Variants in HEMK2 observed in about 807,000 individuals in gnomAD.
HEMK2 encodes methyltransferase HEMK2.
At chr21:28,825,365 C>G in the HEMK2 span, among the ~76,000 whole-genome samples, 3 of 152,166 alleles carry the variant, frequency 2.0e-5, no homozygotes, top group Non-Finnish European at 4.4e-5. Flanking sequence ...CCTTGAGAAC[C>G]ACTGCTCTAG....
At chr21:28,641,039 T>G in the HEMK2 span, among the ~76,000 whole-genome samples, 9 of 152,238 alleles carry the variant, frequency 5.9e-5, no homozygotes, top group Non-Finnish European at 1.0e-4. Flanking sequence ...AAAAACTGAC[T>G]AGTGCCTCTT....
the HEMK2 span, among the ~76,000 whole-genome samples, chr21:28,692,624 G>A: frequency 2.6e-5 from 4 of 151,926 alleles, no homozygotes; most frequent in Non-Finnish European, 4.4e-5. Context: ...TGTAGTGATT[G>A]AATAGTTTTT....
At chr21:28,651,262 C>T in the HEMK2 span, among the ~76,000 whole-genome samples, 1 of 152,152 alleles carries the variant, frequency 6.6e-6, no homozygotes, top group African/African-American at 2.4e-5. Context: ...CCCCAGACTC[C>T]ATGCAAATTA....
At chr21:28,871,196 T>C in the HEMK2 span, among the ~76,000 whole-genome samples, 1 of 152,214 alleles carries the variant, frequency 6.6e-6, no homozygotes. Flanking sequence ...GTTCTCGCAT[T>C]GCTATAAAGA....
the HEMK2 span, among the ~76,000 whole-genome samples, chr21:28,624,787 A>T: frequency 6.6e-6 from 1 of 152,186 alleles, no homozygotes; most frequent in Non-Finnish European, 1.5e-5. Flanking sequence ...CACCAGCTGA[A>T]CAAACAAGGT....
chr21:28,683,456 TG>T, the HEMK2 span, among the ~76,000 whole-genome samples: 1 of 152,272 alleles, frequency 6.6e-6, no homozygotes, highest in East Asian at 1.9e-4. Context: ...AAAACCATGA[TG>T]GGTCACTGCC....
the HEMK2 span, among the ~76,000 whole-genome samples, chr21:28,765,968 G>A: frequency 1.8e-3 from 280 of 152,192 alleles, 3 homozygotes; most frequent in Middle Eastern, 0.014. Context: ...GGAATACTAT[G>A]CAGCCATAAA....
chr21:28,838,528 T>A, the HEMK2 span, among the ~76,000 whole-genome samples: 41 of 145,608 alleles, frequency 2.8e-4, no homozygotes, highest in African/African-American at 1.1e-3. Flanking sequence ...AGTGAGACTC[T>A]GTCTCAAAAT....
chr21:28,882,753 T>C, the HEMK2 span, among the ~76,000 whole-genome samples: 1 of 152,222 alleles, frequency 6.6e-6, no homozygotes, highest in Non-Finnish European at 1.5e-5. Flanking sequence ...ATCAAATTAC[T>C]TAGCTAAGAA....
At chr21:28,600,799 G>A in the HEMK2 span, among the ~76,000 whole-genome samples, 1 of 152,150 alleles carries the variant, frequency 6.6e-6, no homozygotes, top group African/African-American at 2.4e-5. Context: ...TCTTCCGCCA[G>A]ATACCCTAAA....
the HEMK2 span, among the ~76,000 whole-genome samples, chr21:28,633,033 C>G: frequency 1.3e-5 from 2 of 152,172 alleles, no homozygotes; most frequent in Non-Finnish European, 2.9e-5. Flanking sequence ...TGATCGGACC[C>G]CATTTTCACA....
chr21:28,714,698 G>A, the HEMK2 span, among the ~76,000 whole-genome samples: 2 of 152,108 alleles, frequency 1.3e-5, no homozygotes, highest in African/African-American at 4.8e-5. Flanking sequence ...GGTTTGTCAC[G>A]AGTATATTGC....
chr21:28,857,942 C>T, the HEMK2 span, among the ~76,000 whole-genome samples: 1 of 152,290 alleles, frequency 6.6e-6, no homozygotes, highest in African/African-American at 2.4e-5. Flanking sequence ...TTAAGGTTGG[C>T]TTTGACTTTT....
chr21:28,800,091 C>T, the HEMK2 span, among the ~76,000 whole-genome samples: 190 of 152,302 alleles, frequency 1.2e-3, 1 homozygote, highest in African/African-American at 4.3e-3. Context: ...TTCCAAGACA[C>T]GGAAACTCCT....
the HEMK2 span, among the ~76,000 whole-genome samples, chr21:28,646,506 T>C: frequency 6.6e-6 from 1 of 152,196 alleles, no homozygotes; most frequent in East Asian, 1.9e-4. Context: ...TGAGGGTATT[T>C]CAGTTATCTG....
the HEMK2 span, among the ~76,000 whole-genome samples, chr21:28,618,236 T>A: frequency 6.6e-6 from 1 of 152,238 alleles, no homozygotes; most frequent in Non-Finnish European, 1.5e-5. Context: ...GAATTTCAAA[T>A]CCCTCATAGC....
the HEMK2 span, among the ~76,000 whole-genome samples, chr21:28,866,958 T>C: frequency 0.84 from 127,449 of 152,022 alleles, 53,878 homozygotes; most frequent in South Asian, 0.93. Context: ...TAGGAAAATA[T>C]AAATCAATAC....
the HEMK2 span, among the ~76,000 whole-genome samples, chr21:28,663,754 T>A: frequency 2.0e-5 from 3 of 152,212 alleles, no homozygotes; most frequent in Non-Finnish European, 4.4e-5. Flanking sequence ...ACTACCATGA[T>A]CACTCACTTC....
At chr21:28,788,387 G>C in the HEMK2 span, among the ~76,000 whole-genome samples, 171 of 151,894 alleles carry the variant, frequency 1.1e-3, no homozygotes, top group Non-Finnish European at 1.9e-3. Context: ...ACCTGGATGA[G>C]ACTGGAGACT....
Sources: allele counts gnomAD v4.1 joint callset (sites outside exome capture counted in the v4.1 genomes callset), GRCh38; gene constraint gnomAD v4.1.1; transcripts MANE v1.5; gene names NCBI Gene and HGNC (gene_info 2026-07-23, HGNC 2026-07-21).